GMPR: variants seen among roughly 807,000 people sequenced by gnomAD.
GMPR encodes the protein guanosine monophosphate reductase.
A neutral mutation model predicts 38.4 loss-of-function variants in GMPR; 31 were observed. The ratio of observed to expected loss-of-function variants is 0.81; its 90% CI spans 0.61 to 1.09. The LOEUF is 1.09. GMPR is among the 50% of genes least tolerant of loss of function. The pLI is 0.00. For missense variants in GMPR, 468 were observed against 453.7 expected, an observed-to-expected ratio of 1.03 and a Z score of -0.29; for synonymous variants, 162 against 173.3, an observed-to-expected ratio of 0.93 and a Z score of 0.51.
At chr6:16,278,750 C>T (rs776685340) in intron 5 of GMPR, 34 bp from the exon 6 acceptor site, 7 of 1,392,238 alleles carry the variant, frequency 5.0e-6, no homozygotes, top group Non-Finnish European at 7.2e-6. Flanking sequence ...CATGTATAAC[C>T]ATCTATTTGG....
chr6:16,283,900 C>T (rs184970379), intron 6 of GMPR, among the ~76,000 whole-genome samples: 2 of 149,750 alleles, frequency 1.3e-5, no homozygotes, highest in Non-Finnish European at 3.0e-5. Context: ...AGATAAAGCA[C>T]TTTAAAATTA....
chr6:16,251,317 T>C (rs1758870642), intron 3 of GMPR, among the ~76,000 whole-genome samples: 1 of 152,212 alleles, frequency 6.6e-6, no homozygotes, highest in African/African-American at 2.4e-5. Context: ...ACGCCTGTAA[T>C]CCCAGAACTT....
At chr6:16,294,166 T>C (rs553536336) in intron 8 of GMPR, among the ~76,000 whole-genome samples, 2 of 152,296 alleles carry the variant, frequency 1.3e-5, no homozygotes, top group East Asian at 3.9e-4. Context: ...TAAATACTCC[T>C]CTGAAAATGT....
At chr6:16,271,475 A>G (rs1035528444) in intron 4 of GMPR, among the ~76,000 whole-genome samples, 1 of 152,232 alleles carries the variant, frequency 6.6e-6, no homozygotes, top group Admixed American at 6.5e-5. Flanking sequence ...GACAAGAGTG[A>G]GACCCTGTCT....
chr6:16,251,900 TGC>T, intron 3 of GMPR, among the ~76,000 whole-genome samples: 1 of 152,304 alleles, frequency 6.6e-6, no homozygotes, highest in East Asian at 1.9e-4. Context: ...TGCCTGCACT[TGC>T]TCCTGCCACA....
At chr6:16,250,683 C>A (rs528416579) in intron 3 of GMPR, among the ~76,000 whole-genome samples, 50 of 152,218 alleles carry the variant, frequency 3.3e-4, no homozygotes, top group Non-Finnish European at 5.3e-4. Context: ...GAAAAAACTT[C>A]TGAGTATAAC....
chr6:16,272,987 G>A (rs1042807241), intron 4 of GMPR, among the ~76,000 whole-genome samples: 1 of 152,038 alleles, frequency 6.6e-6, no homozygotes, highest in Admixed American at 6.6e-5. Flanking sequence ...TATGTAGACA[G>A]CTCTGTCATT....
chr6:16,248,753 T>C (rs1039564063), intron 2 of GMPR, among the ~76,000 whole-genome samples: 1 of 151,552 alleles, frequency 6.6e-6, no homozygotes, highest in African/African-American at 2.4e-5. Flanking sequence ...CTCTGCTCTG[T>C]CATCAGCCAT....
chr6:16,264,526 A>T, intron 4 of GMPR: 1 of 153,570 alleles, frequency 6.5e-6, no homozygotes, highest in East Asian at 1.9e-4. Context: ...GCTTTGTGTG[A>T]GCAACATGGC....
chr6:16,266,036 CAGTG>C (rs1202698249), intron 4 of GMPR, among the ~76,000 whole-genome samples: 2 of 152,068 alleles, frequency 1.3e-5, no homozygotes, highest in Admixed American at 1.3e-4. Context: ...CTGCTGAAGT[CAGTG>C]AGACCACGAA....
chr6:16,254,738 A>G lies in GMPR; in HGVS notation c.465+3A>G. The G allele has an allele frequency of 1.2e-6, 2 of 1,606,550 alleles. No homozygotes were observed. Among genetic ancestry groups the G allele is most frequent in the Non-Finnish European group, 1.7e-6 (2 of 1,173,154 alleles). On this transcript the variant is annotated splice_donor_region_variant and intron_variant, in intron 4 of 8. Coordinates refer to ENST00000259727, the MANE Select transcript of GMPR (RefSeq NM_006877.4). ...AATTTCCTGAACACACCATTATGGT[A>G]AGTACGGTAGAACATTACGGTAGAA...
rs1388615263 is a variant in GMPR, at chr6:16,290,472, A to G, written c.708A>G (p.Ala236=). 2 of 1,613,980 alleles carry G rather than the reference A, an allele frequency of 1.2e-6. No homozygotes were observed. The highest frequency in any genetic ancestry group is 2.2e-5 in the East Asian group (1 of 44,880). Residue 236 remains alanine, a synonymous_variant, in exon 8 of 9, where the codon GCA becomes GCG. Coordinates refer to ENST00000259727, the MANE Select transcript of GMPR (RefSeq NM_006877.4). ...ACCGTTGGCATTTAGGAGCTGGAGC[A>G]GATTTTGTCATGCTGGGAGGAATGT... ...GDVAKAFGAG[A]DFVMLGGMFS...
intron 4 of GMPR, among the ~76,000 whole-genome samples, chr6:16,269,657 C>T (rs568942582): frequency 1.8e-4 from 28 of 152,070 alleles, no homozygotes; most frequent in African/African-American, 5.8e-4. Context: ...ATTAGCTGGG[C>T]GTGGTGTCAC....
At chr6:16,248,836 T>A (rs1011531209) in intron 2 of GMPR, among the ~76,000 whole-genome samples, 1 of 152,202 alleles carries the variant, frequency 6.6e-6, no homozygotes, top group Admixed American at 6.5e-5. Flanking sequence ...TTAATTCACA[T>A]AATAGATTAT....
intron 4 of GMPR, among the ~76,000 whole-genome samples, chr6:16,272,898 G>C (rs900523640): frequency 6.6e-6 from 1 of 151,912 alleles, no homozygotes; most frequent in Non-Finnish European, 1.5e-5. Context: ...TCCTGGGCTC[G>C]AGCAATCCAC....
chr6:16,278,710 AG>A, intron 5 of GMPR, 73 bp from the exon 6 acceptor site: 1 of 1,024,780 alleles, frequency 9.8e-7, no homozygotes, highest in Non-Finnish European at 1.5e-6. Context: ...TGCAAAGGTA[AG>A]GGGGACGCAT....
intron 4 of GMPR, among the ~76,000 whole-genome samples, chr6:16,271,676 A>C (rs1238761706): frequency 6.6e-6 from 1 of 152,128 alleles, no homozygotes; most frequent in Non-Finnish European, 1.5e-5. Context: ...ATAAAAAACA[A>C]AACTACACAC....
intron 5 of GMPR, among the ~76,000 whole-genome samples, chr6:16,277,503 A>AGGG (rs1361534024): frequency 1.3e-5 from 2 of 152,110 alleles, no homozygotes; most frequent in African/African-American, 2.4e-5. Flanking sequence ...GACCTCCGGG[A>AGGG]GGGGCTGAGT....
intron 6 of GMPR, among the ~76,000 whole-genome samples, chr6:16,282,580 G>A (rs566645775): frequency 1.3e-4 from 20 of 152,196 alleles, no homozygotes; most frequent in African/African-American, 3.1e-4. Flanking sequence ...CACCGTCCCC[G>A]CCGTCTACGC....
Sources: gnomAD v4.1 joint callset for allele counts (sites outside exome capture counted in the v4.1 genomes callset) on GRCh38, gnomAD v4.1.1 for gene constraint, MANE v1.5 for transcripts, NCBI Gene and HGNC (gene_info 2026-07-23, HGNC 2026-07-21) for gene names.